Variants in ZNF148 observed in about 807,000 individuals in gnomAD.
ZNF148 encodes zinc finger protein 148, also known as Beta-Enolase Repressor Factor-1.
In ZNF148, 7 loss-of-function variants were observed where a neutral mutation model predicts 67.7. The ratio of observed to expected loss-of-function variants is 0.10; its 90% confidence interval spans 0.06 to 0.19. The LOEUF is 0.19. ZNF148 is among the 10% of genes least tolerant of loss of function. The probability of loss-of-function intolerance (pLI) is 1.00; values close to 1 mark genes in which losing one functional copy is unlikely to be tolerated. For synonymous variants in ZNF148, 333 were observed against 330.7 expected (o/e 1.01, Z -0.08); for missense variants, 583 against 947.1 (o/e 0.62, Z 5.05).
chr3:125,370,304 C>T (rs1279505468), intron 1 of ZNF148, among the ~76,000 whole-genome samples: 1 of 152,144 alleles, frequency 6.6e-6, no homozygotes, highest in African/African-American at 2.4e-5. Context: ...TTGTCCTTCA[C>T]GCTGTCAAAC....
intron 7 of ZNF148, among the ~76,000 whole-genome samples, chr3:125,256,505 C>T (rs1937084996): frequency 6.6e-6 from 1 of 151,142 alleles, no homozygotes; most frequent in Admixed American, 6.6e-5. Flanking sequence ...GGTGAAACCC[C>T]ATCTCTATAA....
Position 125,232,365 on chromosome 3 carries a change from G to T in ZNF148, c.2361C>A (p.Ala787=). The T allele has an allele frequency of 1.2e-6, 2 of 1,600,428 alleles. No individual in the cohort carries two copies. Among genetic ancestry groups the T allele is most frequent in the Non-Finnish European group, 1.7e-6 (2 of 1,170,580 alleles). ...NRAGMTSSPD[A]TTGQTFG Reference sequence around the variant, plus strand: ...TTTAGCCAAAAGTCTGGCCAGTTGTGGCATCAGGTGAAGATGTCATCCCAG... The same window carrying T: ...TTTAGCCAAAAGTCTGGCCAGTTGTTGCATCAGGTGAAGATGTCATCCCAG... The change falls in exon 9 of 9, where the codon GCC becomes GCA. Residue 787 remains alanine, a synonymous_variant. Transcript: ENST00000360647. This position sits in a 1 kb window ranked among gnomAD's most constrained non-coding sequence, Gnocchi z 4.2.
chr3:125,371,860 C>G (rs533293303), intron 1 of ZNF148, among the ~76,000 whole-genome samples: 1 of 151,512 alleles, frequency 6.6e-6, no homozygotes, highest in Non-Finnish European at 1.5e-5. Context: ...GTCAGGAGAT[C>G]GAGATCATCC....
At chr3:125,356,355 A>G (rs1336276744) in intron 1 of ZNF148, among the ~76,000 whole-genome samples, 1 of 152,208 alleles carries the variant, frequency 6.6e-6, no homozygotes, top group Admixed American at 6.5e-5. Flanking sequence ...TCCAAAACAG[A>G]CTGGTAATCT....
chr3:125,357,829 TCA>T (rs1942409643), intron 1 of ZNF148: 1 of 152,272 alleles, frequency 6.6e-6, no homozygotes, highest in South Asian at 2.1e-4. Flanking sequence ...CTTTGTATTA[TCA>T]CACAGCCTGA....
At position 125,350,821 on chromosome 3, in the gene ZNF148, T is replaced by G. The variant is rs1291753651; in HGVS notation, c.-233-19583A>C. ...CAGGCCTCCGACTGGCAGCAGTCCATATATATATACACACACACAATGGAA... is the reference window on the plus strand; with the variant it reads ...CAGGCCTCCGACTGGCAGCAGTCCAGATATATATACACACACACAATGGAA... On this transcript the variant is annotated intron_variant, in intron 1 of 8. Coordinates refer to ENST00000360647, the MANE Select transcript of ZNF148 (RefSeq NM_021964.3). 5.3e-5 allele frequency among the ~76,000 whole-genome samples: 8 copies of G among 152,108 alleles called. 1 individual carries two copies. Among genetic ancestry groups the G allele is most frequent in the Admixed American group, 5.2e-4 (8 of 15,272 alleles).
chr3:125,362,485 A>C (rs74482861), intron 1 of ZNF148, among the ~76,000 whole-genome samples: 1,755 of 152,158 alleles, frequency 0.012, 29 homozygotes, highest in African/African-American at 0.038. Context: ...ACAAAAAAAA[A>C]CAAAAACTAA....
At chr3:125,236,062 C>T (rs1936074479) in intron 7 of ZNF148, among the ~76,000 whole-genome samples, 1 of 149,782 alleles carries the variant, frequency 6.7e-6, no homozygotes, top group Non-Finnish European at 1.5e-5. Context: ...AACAAACCTG[C>T]ACATTGTGCA....
chr3:125,310,672 C>G (rs1326480949), intron 4 of ZNF148, among the ~76,000 whole-genome samples: 1 of 152,078 alleles, frequency 6.6e-6, no homozygotes, highest in Non-Finnish European at 1.5e-5. Context: ...AAATCAAAAG[C>G]TGTTTCTTTG....
chr3:125,329,688 A>G (rs1320917083), intron 2 of ZNF148, among the ~76,000 whole-genome samples: 2 of 151,960 alleles, frequency 1.3e-5, no homozygotes, highest in Non-Finnish European at 2.9e-5. Context: ...GCAAAGGTGT[A>G]CCCAAGAATA....
At chr3:125,269,882 C>T (rs1236632041) in intron 7 of ZNF148, among the ~76,000 whole-genome samples, 2 of 152,032 alleles carry the variant, frequency 1.3e-5, no homozygotes, top group Non-Finnish European at 2.9e-5. Context: ...CATGTTCCCA[C>T]TTATAAGTGG....
rs781331983 is a variant in ZNF148, at chr3:125,313,614, T to C, written c.27A>G (p.Gly9=). 3.1e-6 allele frequency: 5 copies of C among 1,613,018 alleles called. No individual in the cohort carries two copies. Among genetic ancestry groups the C allele is most frequent in the Non-Finnish European group, 4.2e-6 (5 of 1,179,120 alleles). Residue 9 remains glycine (G), a synonymous_variant, in exon 4 of 9, where the codon GGA becomes GGG. Transcript: ENST00000360647. ...CTATGCCGCCACATTTAAGAAACAA[T>C]CCTTCCAGTTTGTCGTCAATGTTCA... is the stretch of plus-strand genomic sequence containing the variant. MNIDDKLE[G]LFLKCGGIDE...
chr3:125,256,652 G>T (rs1306598774), intron 7 of ZNF148, among the ~76,000 whole-genome samples: 1 of 152,048 alleles, frequency 6.6e-6, no homozygotes, highest in African/African-American at 2.4e-5. Flanking sequence ...CTCCAGCCTG[G>T]GCAACAGAGT....
At chr3:125,333,505 T>C (rs1941372546) in intron 1 of ZNF148, among the ~76,000 whole-genome samples, 1 of 142,460 alleles carries the variant, frequency 7.0e-6, no homozygotes, top group South Asian at 2.3e-4. Context: ...TCTATCCCCC[T>C]TTCTTCTCTT....
At chr3:125,321,834 T>C (rs1197628338) in intron 3 of ZNF148, among the ~76,000 whole-genome samples, 1 of 152,032 alleles carries the variant, frequency 6.6e-6, no homozygotes, top group African/African-American at 2.4e-5. Context: ...AAAAAACTTC[T>C]TAAAACAAAA....
chr3:125,344,401 G>A lies in ZNF148; in HGVS notation c.-233-13163C>T, dbSNP rs1375628531. The stretch of plus-strand genomic sequence containing the variant: ...TGTGGAAAAAATGACTCTGTCCCTT[G>A]GCCTCCTCAGGGACCCCATTCCAAA... On this transcript the variant is annotated intron_variant, in intron 1 of 8. Transcript: ENST00000360647. 7.2e-6 allele frequency: 5 copies of A among 694,950 alleles called. No homozygotes were observed. The East Asian group carries it at 1.0e-4, about 14-fold the overall frequency. The allele number at this position is 694,950 out of a possible 1,614,324, so 43.0% of individuals were successfully genotyped here. A position where few individuals can be genotyped will look rare whatever the true frequency, so the allele number is the denominator to read the frequency against.
intron 7 of ZNF148, among the ~76,000 whole-genome samples, chr3:125,260,158 A>C (rs888169503): frequency 2.0e-5 from 3 of 152,222 alleles, no homozygotes; most frequent in Non-Finnish European, 2.9e-5. Context: ...CACCGATCAC[A>C]AATCACCACA....
At chr3:125,254,646 C>T (rs57680878) in intron 7 of ZNF148, among the ~76,000 whole-genome samples, 16,432 of 152,124 alleles carry the variant, frequency 0.11, 2,911 homozygotes, top group African/African-American at 0.37. Context: ...TCTCTTCTGT[C>T]TGACATTAGC....
intron 5 of ZNF148, among the ~76,000 whole-genome samples, chr3:125,282,294 G>T (rs553324062): frequency 1.3e-5 from 2 of 152,214 alleles, no homozygotes; most frequent in African/African-American, 4.8e-5. Flanking sequence ...AGCTGAGTGT[G>T]TTTGCCTTAG....
Sources: allele counts gnomAD v4.1 joint callset (sites outside exome capture counted in the v4.1 genomes callset), GRCh38; gene constraint gnomAD v4.1.1; non-coding constraint Gnocchi (gnomAD v3.1); transcripts MANE v1.5; gene names NCBI Gene and HGNC (gene_info 2026-07-23, HGNC 2026-07-21).